The following YPEL2 variants were observed in gnomAD, a reference collection of about 807,000 sequenced individuals.
The protein encoded by YPEL2 is yippee like 2.
Under a neutral mutation model 19.1 loss-of-function variants are expected in YPEL2, and 2 were observed. That is an observed-to-expected ratio of 0.10 (90% CI 0.04 to 0.33). YPEL2 has a LOEUF of 0.33. Ranked by LOEUF, YPEL2 falls within the 10% of genes least tolerant of loss-of-function variation. The pLI is 1.00. For missense variants in YPEL2, 66 were observed against 140.7 expected (o/e 0.47, Z 2.68); for synonymous variants, 52 against 50.0 (o/e 1.04, Z -0.17).
chr17:59,332,061 C>T (rs1044029445), intron 1 of YPEL2, among the ~76,000 whole-genome samples: 7 of 151,818 alleles, frequency 4.6e-5, no homozygotes, highest in Non-Finnish European at 7.4e-5. Context: ...CGGCCGCTCG[C>T]GGAGGGAGCC....
chr17:59,363,299 CT>C (rs372443124), intron 2 of YPEL2: 5,077 of 147,480 alleles, frequency 0.034, 231 homozygotes, highest in East Asian at 0.12. Flanking sequence ...AAGACTTACC[CT>C]TTTTTTTTTT....
At chr17:59,393,949 A>G (rs550306303) in intron 4 of YPEL2, among the ~76,000 whole-genome samples, 57 of 152,368 alleles carry the variant, frequency 3.7e-4, no homozygotes, top group Admixed American at 5.9e-4. Flanking sequence ...CGATTTCGCA[A>G]TCTTTTCCCC....
chr17:59,334,806 T>C (rs2047691111), intron 1 of YPEL2, among the ~76,000 whole-genome samples: 1 of 152,202 alleles, frequency 6.6e-6, no homozygotes, highest in African/African-American at 2.4e-5. Flanking sequence ...AAAAATTAAC[T>C]TTAATAATGT....
intron 2 of YPEL2, among the ~76,000 whole-genome samples, chr17:59,363,888 A>G (rs1248746483): frequency 6.6e-6 from 1 of 151,882 alleles, no homozygotes; most frequent in Non-Finnish European, 1.5e-5. Flanking sequence ...CCCTCCTGTC[A>G]TTTCCTTTGC....
chr17:59,344,739 C>T (rs1379842062), intron 1 of YPEL2, among the ~76,000 whole-genome samples: 2 of 152,090 alleles, frequency 1.3e-5, no homozygotes, highest in Non-Finnish European at 2.9e-5. Context: ...GCCTGGGTGA[C>T]AGGGCAAGAC....
At chr17:59,385,445 G>A (rs1465436288) in intron 2 of YPEL2, among the ~76,000 whole-genome samples, 1 of 152,044 alleles carries the variant, frequency 6.6e-6, no homozygotes, top group African/African-American at 2.4e-5. Flanking sequence ...AGGCATGGTG[G>A]TGCGCCCCTG....
chr17:59,347,500 C>T (rs2047762351), intron 1 of YPEL2, among the ~76,000 whole-genome samples: 1 of 152,094 alleles, frequency 6.6e-6, no homozygotes, highest in Admixed American at 6.5e-5. Flanking sequence ...GTCAGATCTC[C>T]TTTTTAAATA....
At chr17:59,392,587 T>A (rs1295971797) in intron 4 of YPEL2, among the ~76,000 whole-genome samples, 1 of 146,832 alleles carries the variant, frequency 6.8e-6, no homozygotes, top group East Asian at 2.2e-4. Context: ...CTCGGCTTAC[T>A]GCAACCTCCA....
chr17:59,354,279 A>C (rs1269561142), intron 2 of YPEL2: 1 of 152,244 alleles, frequency 6.6e-6, no homozygotes, highest in Non-Finnish European at 1.5e-5. Flanking sequence ...AACAGGTTTT[A>C]CTAGGCTGCA....
chr17:59,397,500 A>G lies in YPEL2; in HGVS notation c.*310A>G, dbSNP rs554915819. The G allele has an allele frequency of 1.3e-4, 27 of 210,674 alleles. No individual in the cohort carries two copies. The highest frequency in any genetic ancestry group is 6.2e-4 in the African/African-American group (27 of 43,680). The allele number at this position is 210,674 out of a possible 1,614,324, so 13.1% of individuals were successfully genotyped here. ...GGCAGCCCACCTTGGTAAGGGCCCC[A>G]GGGCCCATGCGAGAGCTGCCTGATG... is the stretch of plus-strand genomic sequence containing the variant. On this transcript the variant is annotated 3_prime_UTR_variant, in exon 5 of 5. Coordinates refer to ENST00000312655, the MANE Select transcript of YPEL2 (RefSeq NM_001005404.4).
At chr17:59,335,309 G>A (rs936102593) in intron 1 of YPEL2, among the ~76,000 whole-genome samples, 3 of 151,982 alleles carry the variant, frequency 2.0e-5, no homozygotes, top group Non-Finnish European at 2.9e-5. Flanking sequence ...TTCTCTTGTC[G>A]CCAATTTGCC....
intron 4 of YPEL2, among the ~76,000 whole-genome samples, chr17:59,392,537 G>A (rs1191331744): frequency 7.1e-6 from 1 of 140,334 alleles, no homozygotes; most frequent in African/African-American, 2.7e-5. Context: ...TTGAGATGGA[G>A]TCTCACTCTG....
intron 2 of YPEL2, among the ~76,000 whole-genome samples, chr17:59,359,801 G>GC (rs2047831366): frequency 6.6e-6 from 1 of 152,270 alleles, no homozygotes; most frequent in Non-Finnish European, 1.5e-5. Context: ...CTTTGCCAGA[G>GC]CAGTGGTACT....
Position 59,353,575 on chromosome 17 carries a change from A to G in YPEL2, c.117+49A>G. The G allele has an allele frequency of 7.2e-7, 1 of 1,386,946 alleles. No homozygotes were observed. Among genetic ancestry groups the G allele is most frequent in the Admixed American group, 1.7e-5 (1 of 59,740 alleles). 85.9% of individuals were successfully genotyped at this position (1,386,946 alleles called of 1,614,324 possible). A position where few individuals can be genotyped will look rare whatever the true frequency, so the allele number is the denominator to read the frequency against. ...CTTGCCTACCCCGGGGAGGGCGCTT[A>G]GTGCTCCTGAAGTTGCAGAGGTTTA... On this transcript the variant is annotated intron_variant, in intron 2 of 4. Coordinates refer to ENST00000312655, the MANE Select transcript of YPEL2 (RefSeq NM_001005404.4). This position sits in a 1 kb window ranked among gnomAD's most constrained non-coding sequence, Gnocchi z 4.8.
intron 2 of YPEL2, among the ~76,000 whole-genome samples, chr17:59,364,321 A>G (rs1279794135): frequency 6.6e-6 from 1 of 152,202 alleles, no homozygotes; most frequent in Non-Finnish European, 1.5e-5. Context: ...GCTGGTGCAC[A>G]TAGCCCTGGG....
chr17:59,362,592 G>C (rs1297818989), intron 2 of YPEL2: 1 of 152,160 alleles, frequency 6.6e-6, no homozygotes, highest in Non-Finnish European at 1.5e-5. Context: ...TGAGCGATGA[G>C]GCGTACCCTG....
In YPEL2 at chr17:59,401,079, G is replaced by C. The variant is rs540596469; in HGVS notation, c.*3889G>C. On this transcript the variant is annotated 3_prime_UTR_variant, in exon 5 of 5. Coordinates refer to ENST00000312655, the MANE Select transcript of YPEL2 (RefSeq NM_001005404.4). ...GTATCGCAGGGCTCCAGCTGTTTTA[G>C]AAGCCACATCATGTTAAACATTAAC... The C allele has an allele frequency of 6.6e-6, 1 of 152,236 alleles. No individual in the cohort carries two copies. The highest frequency in any genetic ancestry group is 1.5e-5 in the Non-Finnish European group (1 of 68,024). 9.4% of individuals were successfully genotyped at this position (152,236 alleles called of 1,614,324 possible).
At chr17:59,368,339 CTGCCAAAG>C (rs2047880852) in intron 2 of YPEL2, among the ~76,000 whole-genome samples, 1 of 152,178 alleles carries the variant, frequency 6.6e-6, no homozygotes, top group South Asian at 2.1e-4. Flanking sequence ...CCGCCTTGGC[CTGCCAAAG>C]TGCTGGGATT....
chr17:59,344,307 G>C (rs2047745668), intron 1 of YPEL2, among the ~76,000 whole-genome samples: 1 of 152,156 alleles, frequency 6.6e-6, no homozygotes, highest in Admixed American at 6.5e-5. Flanking sequence ...AGAGGCACAT[G>C]GCAGAAGCAC....
Sources: allele counts gnomAD v4.1 joint callset (sites outside exome capture counted in the v4.1 genomes callset), GRCh38; gene constraint gnomAD v4.1.1; non-coding constraint Gnocchi (gnomAD v3.1); transcripts MANE v1.5; gene names NCBI Gene and HGNC (gene_info 2026-07-23, HGNC 2026-07-21).